The following ZFPM1 variants were observed in gnomAD, a reference collection of about 807,000 sequenced individuals.
The protein encoded by ZFPM1 is zinc finger protein, FOG family member 1.
Under a neutral mutation model 46.3 loss-of-function variants are expected in ZFPM1, and 28 were observed. The observed-to-expected ratio is 0.60, with a 90% CI of 0.45 to 0.83. The LOEUF (loss-of-function observed/expected upper bound fraction) is 0.83, where lower values mean the gene tolerates loss of function less well. ZFPM1 is among the 40% of genes least tolerant of loss of function. ZFPM1 has a pLI of 0.00. For missense variants in ZFPM1, 1,878 were observed against 1,432.4 expected (o/e 1.31, Z -5.02); for synonymous variants, 957 against 675.9 (o/e 1.42, Z -6.45).
At chr16:88,502,064 CCATTTATTTATTTATTT>C (rs775437279) in intron 3 of ZFPM1, among the ~76,000 whole-genome samples, 1,625 of 127,376 alleles carry the variant, frequency 0.013, 21 homozygotes, top group Middle Eastern at 0.02. Context: ...CCGCCCCCCC[CCATTTATTTATTTATTT>C]ATTTATTTAT....
Position 88,471,746 on chromosome 16 carries a change from T to TA in ZFPM1, c.41-14192dup, listed in dbSNP as rs767417531. Among the ~76,000 whole-genome samples the TA allele has an allele frequency of 3.9e-5, 6 of 152,246 alleles. No individual in the cohort carries two copies. Among genetic ancestry groups the TA allele is most frequent in the Non-Finnish European group, 8.8e-5 (6 of 68,046 alleles). On this transcript the variant is annotated intron_variant, in intron 1 of 9. Transcript: ENST00000319555. This position sits in a 1 kb window ranked among gnomAD's most constrained non-coding sequence, Gnocchi z 4.1. ...TGGGCATGAATTCCTGCCCACCACT[T>TA]ACTCACACTGGGATCTGCCACAGAC...
At chr16:88,531,730 C>T (rs1453797586) in intron 6 of ZFPM1, among the ~76,000 whole-genome samples, 1 of 152,236 alleles carries the variant, frequency 6.6e-6, no homozygotes, top group Admixed American at 6.5e-5. Flanking sequence ...AAAGCATCTC[C>T]TTATGGGGCT....
intron 3 of ZFPM1, among the ~76,000 whole-genome samples, chr16:88,503,181 T>C (rs1296128108): frequency 6.6e-6 from 1 of 151,876 alleles, no homozygotes; most frequent in Non-Finnish European, 1.5e-5. Context: ...GAGGGAGCTG[T>C]GTCTGGGGGG....
At chr16:88,455,734 A>G (rs1472447407) in intron 1 of ZFPM1, among the ~76,000 whole-genome samples, 1 of 152,162 alleles carries the variant, frequency 6.6e-6, no homozygotes, top group Admixed American at 6.5e-5. Flanking sequence ...CGCGCAACCG[A>G]TGGTGGCTGA....
chr16:88,481,685 A>G (rs1466230281), intron 1 of ZFPM1, among the ~76,000 whole-genome samples: 1 of 150,404 alleles, frequency 6.6e-6, no homozygotes, highest in Non-Finnish European at 1.5e-5. Flanking sequence ...GTCCCCCTGC[A>G]CTTTCCTGAC....
At chr16:88,460,922 C>CGGGAGGCCTGGTGATGACCCAGGGGT (rs1907796388) in intron 1 of ZFPM1, among the ~76,000 whole-genome samples, 1 of 27,194 alleles carries the variant, frequency 3.7e-5, no homozygotes, top group African/African-American at 1.1e-4. Flanking sequence ...GACCGAGGGG[C>CGGGAGGCCTGGTGATGACCCAGGGGT]GGGGCGGGAG....
intron 6 of ZFPM1, 60 bp downstream of exon 6, chr16:88,528,298 C>T: frequency 1.0e-5 from 15 of 1,496,366 alleles, no homozygotes; most frequent in Non-Finnish European, 1.4e-5. Context: ...GCAGGCAGGG[C>T]AGGAGAGGGT....
chr16:88,502,725 A>T (rs1910436744), intron 3 of ZFPM1, among the ~76,000 whole-genome samples: 1 of 152,242 alleles, frequency 6.6e-6, no homozygotes, highest in African/African-American at 2.4e-5. Flanking sequence ...CTGGGAATTT[A>T]TCCCAGAAAA....
chr16:88,530,210 G>C (rs1912679762), intron 6 of ZFPM1, among the ~76,000 whole-genome samples: 1 of 152,214 alleles, frequency 6.6e-6, no homozygotes, highest in African/African-American at 2.4e-5. Flanking sequence ...ACGCCAGTAA[G>C]ACAGTGGGGA....
At chr16:88,510,873 C>A (rs1328065183) in intron 3 of ZFPM1, among the ~76,000 whole-genome samples, 1 of 152,222 alleles carries the variant, frequency 6.6e-6, no homozygotes, top group African/African-American at 2.4e-5. Flanking sequence ...AACTTGAGCA[C>A]AGCTGGAAAG....
At chr16:88,457,105 A>G (rs1338693496) in intron 1 of ZFPM1, among the ~76,000 whole-genome samples, 2 of 152,222 alleles carry the variant, frequency 1.3e-5, no homozygotes, top group African/African-American at 4.8e-5. Context: ...CAGCAGCCCA[A>G]CGCCCACCCG....
At chr16:88,488,314 G>T (rs1315312140) in intron 2 of ZFPM1, among the ~76,000 whole-genome samples, 2 of 152,190 alleles carry the variant, frequency 1.3e-5, no homozygotes, top group East Asian at 3.9e-4. Flanking sequence ...GGCCCGGGAA[G>T]GAGCTGGAAA....
intron 4 of ZFPM1, among the ~76,000 whole-genome samples, chr16:88,520,830 TGGGA>T (rs1234363320): frequency 3.0e-4 from 12 of 39,844 alleles, no homozygotes; most frequent in Non-Finnish European, 5.5e-4. Context: ...GATGGATGGA[TGGGA>T]GGGAGGGAGG....
chr16:88,534,668 C>T lies in ZFPM1; in HGVS notation c.2710C>T (p.Pro904Ser), dbSNP rs1231978450. The T allele has an allele frequency of 2.0e-6, 2 of 995,618 alleles. No individual in the cohort carries two copies. The highest frequency in any genetic ancestry group is 3.5e-5 in the African/African-American group (2 of 56,738). 61.7% of individuals were successfully genotyped at this position (995,618 alleles called of 1,614,324 possible). Residue 904 changes from proline (P) to serine (S), a missense_variant, in exon 10 of 10, where the codon CCC becomes TCC. Pro to Ser is a moderately conservative substitution (Grantham distance 74). Transcript: ENST00000319555. ...TPADRGPSPAPAPAASPQPGS... is the reference protein window; with the variant it reads ...TPADRGPSPASAPAASPQPGS... ...GGCCGACCGCGGCCCCTCGCCCGCT[C>T]CCGCCCCCGCCGCCTCCCCGCAGCC...
At position 88,525,878 on chromosome 16, in the gene ZFPM1, C is replaced by T. The variant is rs994593069; in HGVS notation, c.403-936C>T. Among the ~76,000 whole-genome samples, 7 of 152,202 alleles carry T rather than the reference C, an allele frequency of 4.6e-5. 1 individual carries two copies. The South Asian group carries it at 6.2e-4, about 13-fold the overall frequency. ...GGTGCAATGGATGCAGGAAACGAGG[C>T]GGCCTCCACGGGCTCGGCCCAGAGT... On this transcript the variant is annotated intron_variant, in intron 4 of 9. Coordinates refer to ENST00000319555, the MANE Select transcript of ZFPM1 (RefSeq NM_153813.3).
chr16:88,534,512 CCCG>C lies in ZFPM1; in HGVS notation c.2563_2565del (p.Ala855del), dbSNP rs1280705922. 9.0e-6 allele frequency: 13 copies of C among 1,445,370 alleles called. No individual in the cohort carries two copies. The highest frequency in any genetic ancestry group is 2.6e-5 in the South Asian group (2 of 76,564). The allele number at this position is 1,445,370 out of a possible 1,614,324, so 89.5% of individuals were successfully genotyped here. ...GCCACCGCCCGGCGCGCTCGGCCTG[CCCG>C]CCGCCGCCTGCCCCTACTGCCCCCC... On this transcript the variant is annotated inframe_deletion, in exon 10 of 10. Coordinates refer to ENST00000319555, the MANE Select transcript of ZFPM1 (RefSeq NM_153813.3).
At chr16:88,530,138 G>A (rs1597286787) in intron 6 of ZFPM1, among the ~76,000 whole-genome samples, 1 of 152,162 alleles carries the variant, frequency 6.6e-6, no homozygotes. Flanking sequence ...TGGAGAGGGG[G>A]TGCCCCCGTA....
Position 88,480,774 on chromosome 16 carries a change from C to G in ZFPM1, c.41-5165C>G, listed in dbSNP as rs1908895377. Among the ~76,000 whole-genome samples, 4 of 152,204 alleles carry G rather than the reference C, an allele frequency of 2.6e-5. No individual in the cohort carries two copies. The highest frequency in any genetic ancestry group is 9.6e-5 in the African/African-American group (4 of 41,460). On this transcript the variant is annotated intron_variant, in intron 1 of 9. Transcript: ENST00000319555. This position sits in a 1 kb window ranked among gnomAD's most constrained non-coding sequence, Gnocchi z 4.9. ...CAGACTCCTCATCCACAGCCCCCAT[C>G]TGCGCCCCACCTGGCATGTCCACCC...
intron 4 of ZFPM1, among the ~76,000 whole-genome samples, chr16:88,526,235 AG>A (rs1178073297): frequency 6.6e-6 from 1 of 152,176 alleles, no homozygotes; most frequent in Admixed American, 6.5e-5. Flanking sequence ...GCCCTGTGGC[AG>A]GGAGGGGAGC....
Sources: gnomAD v4.1 joint callset for allele counts (sites outside exome capture counted in the v4.1 genomes callset) on GRCh38, gnomAD v4.1.1 for gene constraint, Gnocchi (gnomAD v3.1) non-coding constraint, MANE v1.5 for transcripts, NCBI Gene and HGNC (gene_info 2026-07-23, HGNC 2026-07-21) for gene names.